UBE2V1: variants seen among roughly 807,000 people sequenced by gnomAD.
The protein encoded by UBE2V1 is ubiquitin conjugating enzyme E2 V1.
A neutral mutation model predicts 19.6 loss-of-function variants in UBE2V1; 15 were observed. That is an observed-to-expected ratio of 0.77 (90% CI 0.51 to 1.18). The LOEUF (loss-of-function observed/expected upper bound fraction) is 1.18, where lower values mean the gene tolerates loss of function less well. UBE2V1 is among the 50% of genes most tolerant of loss of function. The pLI is 0.00. For missense variants in UBE2V1, 125 were observed against 184.8 expected (o/e 0.68, Z 1.88); for synonymous variants, 60 against 60.7 (o/e 0.99, Z 0.05).
chr20:50,094,292 T>C (rs1289034753), intron 2 of UBE2V1, among the ~76,000 whole-genome samples: 1 of 141,400 alleles, frequency 7.1e-6, no homozygotes, highest in African/African-American at 2.7e-5. Flanking sequence ...TTATATAATA[T>C]ATAATTATAT....
At chr20:50,097,547 C>A (rs2079706265) in intron 1 of UBE2V1, among the ~76,000 whole-genome samples, 2 of 152,140 alleles carry the variant, frequency 1.3e-5, no homozygotes, top group South Asian at 4.1e-4. Flanking sequence ...CAGAACAGAA[C>A]CTAGGTACTG....
At chr20:50,095,493 A>T (rs1343377036) in intron 2 of UBE2V1, 1 of 152,288 alleles carries the variant, frequency 6.6e-6, no homozygotes, top group Non-Finnish European at 1.5e-5. Context: ...AAGAAGCAAC[A>T]TTAAATGGCA....
chr20:50,088,226 G>A (rs2079034482), intron 2 of UBE2V1, among the ~76,000 whole-genome samples: 1 of 152,040 alleles, frequency 6.6e-6, no homozygotes. Context: ...ATTGCCACGA[G>A]GAGCCAGAGA....
At chr20:50,097,757 T>G (rs1449140447) in intron 1 of UBE2V1, among the ~76,000 whole-genome samples, 2 of 152,214 alleles carry the variant, frequency 1.3e-5, no homozygotes, top group African/African-American at 2.4e-5. Flanking sequence ...CTGCCTTGAA[T>G]GCTGAGCTCT....
chr20:50,093,243 G>A (rs2079347875), intron 2 of UBE2V1, among the ~76,000 whole-genome samples: 1 of 152,232 alleles, frequency 6.6e-6, no homozygotes, highest in Non-Finnish European at 1.5e-5. Context: ...TAAATTCCTA[G>A]AAGAATTCCT....
chr20:50,084,446 G>A, intron 2 of UBE2V1, 192 bp from the exon 3 acceptor site: 1 of 994,874 alleles, frequency 1.0e-6, no homozygotes, highest in Non-Finnish European at 1.5e-6. Context: ...TCCGGGCCTT[G>A]GGGGAATACA....
intron 1 of UBE2V1, among the ~76,000 whole-genome samples, chr20:50,107,700 G>A (rs1230209068): frequency 6.6e-6 from 1 of 152,178 alleles, no homozygotes; most frequent in Non-Finnish European, 1.5e-5. Flanking sequence ...AAGAGATTCT[G>A]AATTAACTCA....
intron 2 of UBE2V1, chr20:50,084,687 G>A (rs1253995117): frequency 2.6e-6 from 1 of 378,102 alleles, no homozygotes. Flanking sequence ...CTGCTTTAGA[G>A]AACCTCAAAA....
At chr20:50,107,562 C>T (rs2080469525) in intron 1 of UBE2V1, among the ~76,000 whole-genome samples, 1 of 152,206 alleles carries the variant, frequency 6.6e-6, no homozygotes, top group African/African-American at 2.4e-5. Context: ...TCAAGTACCT[C>T]TATAAATACC....
chr20:50,112,859 C>T (rs1601180654), intron 1 of UBE2V1, among the ~76,000 whole-genome samples: 1 of 152,300 alleles, frequency 6.6e-6, no homozygotes, highest in East Asian at 1.9e-4. Flanking sequence ...CACAGAGGGC[C>T]CTCACGCCTC....
rs138406841 is a variant in UBE2V1 at position 50,098,723 on chromosome 20, C to A, written c.23-1903G>T. 2.6e-3 allele frequency among the ~76,000 whole-genome samples: 396 copies of A among 152,222 alleles called. 2 individuals are homozygous for A. The highest frequency in any genetic ancestry group is 9.0e-3 in the African/African-American group (373 of 41,524). ...GTCACGTATTTATGTTTAAGAATAA[C>A]TTATTTAGGGTAAGTAATATACTAA... On this transcript the variant is annotated intron_variant, in intron 1 of 3. Transcript: ENST00000371674.
At chr20:50,106,437 T>G (rs2080360436) in intron 1 of UBE2V1, among the ~76,000 whole-genome samples, 1 of 152,202 alleles carries the variant, frequency 6.6e-6, no homozygotes, top group African/African-American at 2.4e-5. Flanking sequence ...AAAAGGATTC[T>G]GAAGTCGTTT....
At chr20:50,096,536 T>C in intron 2 of UBE2V1, 136 bp downstream of exon 2, 2 of 1,581,592 alleles carry the variant, frequency 1.3e-6, no homozygotes, top group South Asian at 2.3e-5. Context: ...AAACTGAAAC[T>C]GGTCAAAAAA....
chr20:50,112,121 A>T (rs1374130471), intron 1 of UBE2V1, among the ~76,000 whole-genome samples: 2 of 152,180 alleles, frequency 1.3e-5, no homozygotes, highest in Non-Finnish European at 2.9e-5. Flanking sequence ...CACAGAAGAG[A>T]CACTTCTAGG....
intron 2 of UBE2V1, among the ~76,000 whole-genome samples, chr20:50,093,936 C>T (rs1384271609): frequency 2.3e-5 from 3 of 132,986 alleles, no homozygotes; most frequent in Non-Finnish European, 3.1e-5. Flanking sequence ...TGCAGTGAGC[C>T]GAGATTGCGC....
intron 1 of UBE2V1, among the ~76,000 whole-genome samples, chr20:50,103,282 T>A (rs2080128534): frequency 6.6e-6 from 1 of 152,184 alleles, no homozygotes; most frequent in Non-Finnish European, 1.5e-5. Flanking sequence ...CAACGCTCAA[T>A]GTCACAAAAT....
rs551392061 is a variant in UBE2V1 at position 50,098,366 on chromosome 20, C to G, written c.23-1546G>C. ...ACTGTTACTGAGTGACATGATCTGT[C>G]TTGTTTTTAATAGGATCCCTCAGAC... On this transcript the variant is annotated intron_variant, in intron 1 of 3. Transcript: ENST00000371674. 2.4e-4 allele frequency among the ~76,000 whole-genome samples: 37 copies of G among 152,298 alleles called. 1 individual carries two copies. In the South Asian group the frequency reaches 6.4e-3, roughly 26 times the overall value.
At position 50,082,386 on chromosome 20, in the gene UBE2V1, G is replaced by A. The variant is rs8585; in HGVS notation, c.*382C>T. 0.33 allele frequency: 62,968 copies of A among 192,996 alleles called. 11,781 individuals are homozygous for A. The highest frequency in any genetic ancestry group is 0.55 in the African/African-American group (22,965 of 41,874). 12.0% of individuals were successfully genotyped at this position (192,996 alleles called of 1,614,324 possible). A position where few individuals can be genotyped will look rare whatever the true frequency, so the allele number is the denominator to read the frequency against. On this transcript the variant is annotated 3_prime_UTR_variant, in exon 4 of 4. Coordinates refer to ENST00000371674, the MANE Select transcript of UBE2V1 (RefSeq NM_001032288.3). ...GGGAGGGTGGGAGGCGGGAGGGTAA[G>A]GGGAGAAGGCAGAGACCCCAGGCCG...
intron 2 of UBE2V1, among the ~76,000 whole-genome samples, chr20:50,094,173 A>G (rs1362149716): frequency 8.1e-6 from 1 of 123,674 alleles, no homozygotes; most frequent in Non-Finnish European, 1.7e-5. Flanking sequence ...TATATATTAC[A>G]TATCATATAT....
Sources: gnomAD v4.1 joint callset for allele counts (sites outside exome capture counted in the v4.1 genomes callset) on GRCh38, gnomAD v4.1.1 for gene constraint, MANE v1.5 for transcripts, NCBI Gene and HGNC (gene_info 2026-07-23, HGNC 2026-07-21) for gene names.